TUBE1: variants seen among roughly 807,000 people sequenced by gnomAD.
The protein encoded by TUBE1 is tubulin epsilon chain.
TUBE1 carries 34 observed loss-of-function variants against 53.5 expected under a neutral mutation model. That is an observed-to-expected ratio of 0.64 (90% CI 0.48 to 0.85). The LOEUF is 0.85. Ranked by LOEUF, TUBE1 falls within the 40% of genes least tolerant of loss-of-function variation. The pLI is 0.00. For missense variants in TUBE1, 532 were observed against 570.5 expected (o/e 0.93, Z 0.69); for synonymous variants, 177 against 198.4 (o/e 0.89, Z 0.91).
rs1255497720 is a variant in TUBE1 at position 112,075,926 on chromosome 6, G to A, written c.812+11C>T. On this transcript the variant is annotated intron_variant, in intron 8 of 11. Transcript: ENST00000368662. ...CAATAAAGTTTTTTGACTATCCCTG[G>A]ATAGAATTACCTCGTTAGGTTGAGG... The A allele has an allele frequency of 1.3e-6, 2 of 1,590,330 alleles. No individual in the cohort carries two copies. Among genetic ancestry groups the A allele is most frequent in the Non-Finnish European group, 8.6e-7 (1 of 1,167,152 alleles).
chr6:112,072,171 T>A, intron 10 of TUBE1, 95 bp from the exon 11 acceptor site: 1 of 867,070 alleles, frequency 1.2e-6, no homozygotes, highest in Non-Finnish European at 1.7e-6. Context: ...ACCAGAACAT[T>A]ATGGATGGTA....
In TUBE1 at chr6:112,070,791, CATTT is replaced by C. The variant is rs1776842409; in HGVS notation, c.*617_*620del. ...AAGTAGCACTGTTGAAAAATATAGACATTTATTATAAAATCAATTGGTTTGATAA... is the reference window on the plus strand; with the variant it reads ...AAGTAGCACTGTTGAAAAATATAGACATTATAAAATCAATTGGTTTGATAA... On this transcript the variant is annotated 3_prime_UTR_variant, in exon 12 of 12. Transcript: ENST00000368662. 2.6e-5 allele frequency: 4 copies of C among 152,040 alleles called. No individual in the cohort carries two copies. Among genetic ancestry groups the C allele is most frequent in the African/African-American group, 4.8e-5 (2 of 41,402 alleles). The allele number at this position is 152,040 out of a possible 1,614,324, so 9.4% of individuals were successfully genotyped here. A position where few individuals can be genotyped will look rare whatever the true frequency, so the allele number is the denominator to read the frequency against.
Position 112,084,190 on chromosome 6 carries a change from C to T in TUBE1, c.209G>A (p.Arg70Gln), listed in dbSNP as rs200181011. 63 of 1,605,566 alleles carry T rather than the reference C, an allele frequency of 3.9e-5. No homozygotes were observed. Among genetic ancestry groups the T allele is most frequent in the East Asian group, 2.2e-5 (1 of 44,758 alleles). The change falls in exon 4 of 12, where the codon CGA becomes CAA. Residue 70 changes from arginine to glutamine, a missense_variant and splice_region_variant. Physicochemically the swap from Arg to Gln is conservative, Grantham distance 43 (BLOSUM62 1). Transcript: ENST00000368662. ...AGAATCCAAGCATATGTATCTTACT[C>T]GTGCTTTTAAAGAACATATTTTTCC... ...SKGKICSLKARAVLIDMEEGV... is the reference protein window; with the variant it reads ...SKGKICSLKAQAVLIDMEEGV...
chr6:112,084,333 A>C (rs1238738192), intron 3 of TUBE1, 87 bp from the exon 4 acceptor site: 1 of 1,088,162 alleles, frequency 9.2e-7, no homozygotes, highest in Non-Finnish European at 1.4e-6. Context: ...CCATTTATAT[A>C]ATAAGACTGC....
chr6:112,086,685 A>AGTATTATGTAAT, intron 2 of TUBE1, 77 bp from the exon 3 acceptor site: 1 of 943,672 alleles, frequency 1.1e-6, no homozygotes, highest in Non-Finnish European at 1.7e-6. Context: ...TTTTAATTAC[A>AGTATTATGTAAT]TAATACTGTA....
At chr6:112,072,710 C>T (rs782491896) in intron 10 of TUBE1, 48 bp downstream of exon 10, 4 of 1,590,140 alleles carry the variant, frequency 2.5e-6, no homozygotes, top group Non-Finnish European at 2.6e-6. Flanking sequence ...CTATGCCACA[C>T]TGTCCCAAGC....
intron 9 of TUBE1, among the ~76,000 whole-genome samples, chr6:112,073,667 A>C (rs1286812235): frequency 6.6e-6 from 1 of 152,210 alleles, no homozygotes; most frequent in African/African-American, 2.4e-5. Flanking sequence ...CTTAGATGAA[A>C]ACTTACCAAT....
chr6:112,083,514 T>C (rs1777103478), intron 4 of TUBE1, among the ~76,000 whole-genome samples: 1 of 152,004 alleles, frequency 6.6e-6, no homozygotes, highest in South Asian at 2.1e-4. Flanking sequence ...GAGACGGGGT[T>C]TCACCATGTT....
chr6:112,086,551 C>G lies in TUBE1; in HGVS notation c.152+5G>C. 1 of 1,611,574 alleles carries G rather than the reference C, an allele frequency of 6.2e-7. No homozygotes were observed. Among genetic ancestry groups the G allele is most frequent in the Non-Finnish European group, 8.5e-7 (1 of 1,178,028 alleles). ...ACACTGTGACAGACTTTAATCCCAT[C>G]TTACCTGGTGTCCACATTTCTAAAG... On this transcript the variant is annotated splice_donor_5th_base_variant and intron_variant, in intron 3 of 11. Coordinates refer to ENST00000368662, the MANE Select transcript of TUBE1 (RefSeq NM_016262.5).
At chr6:112,077,961 C>G (rs1430478028) in intron 6 of TUBE1, 1 of 151,896 alleles carries the variant, frequency 6.6e-6, no homozygotes, top group Non-Finnish European at 1.5e-5. Flanking sequence ...AGGATAGAAA[C>G]ATTTAACTCA....
chr6:112,076,024 G>A lies in TUBE1; in HGVS notation c.725C>T (p.Ser242Leu), dbSNP rs1776959876. 1 of 1,613,932 alleles carries A rather than the reference G, an allele frequency of 6.2e-7. No homozygotes were observed. The highest frequency in any genetic ancestry group is 8.5e-7 in the Non-Finnish European group (1 of 1,179,920). ...TTVKPKSLVT[S>L]SSGALKKQHK... Reference sequence around the variant, plus strand: ...CTGCTTTTTTAAAGCCCCAGAACTTGAAGTAACCAGACTCTTTGGCTTCAC... The same window carrying A: ...CTGCTTTTTTAAAGCCCCAGAACTTAAAGTAACCAGACTCTTTGGCTTCAC... Residue 242 changes from serine (S) to leucine (L), a missense_variant, in exon 8 of 12, where the codon TCA (serine) becomes TTA (leucine). Transcript: ENST00000368662.
intron 3 of TUBE1, chr6:112,085,598 AG>A (rs1777136956): frequency 2.2e-6 from 1 of 459,676 alleles, no homozygotes; most frequent in African/African-American, 2.0e-5. Context: ...GCTACAAATA[AG>A]AGGGAATCTA....
intron 4 of TUBE1, among the ~76,000 whole-genome samples, chr6:112,083,035 T>C (rs1282788982): frequency 3.3e-5 from 5 of 152,136 alleles, no homozygotes; most frequent in African/African-American, 9.7e-5. Context: ...ACTGATACGG[T>C]TGTAGGAAAA....
chr6:112,074,634 G>A, intron 9 of TUBE1, 76 bp downstream of exon 9: 1 of 1,179,028 alleles, frequency 8.5e-7, no homozygotes, highest in East Asian at 2.8e-5. Flanking sequence ...TAGAGTTATT[G>A]CAAACTTTTT....
At position 112,075,064 on chromosome 6, in the gene TUBE1, C is replaced by CTTTTTTTTTTTTTTTT. The variant is rs781833721; in HGVS notation, c.813-215_813-214insAAAAAAAAAAAAAAAA. The CTTTTTTTTTTTTTTTT allele has an allele frequency of 1.2e-5, 2 of 164,844 alleles. 1 individual carries two copies. Among genetic ancestry groups the CTTTTTTTTTTTTTTTT allele is most frequent in the Admixed American group, 1.6e-4 (2 of 12,644 alleles). 10.2% of individuals were successfully genotyped at this position (164,844 alleles called of 1,614,324 possible). A position where few individuals can be genotyped will look rare whatever the true frequency, so the allele number is the denominator to read the frequency against. On this transcript the variant is annotated intron_variant, in intron 8 of 11. Transcript: ENST00000368662. ...CACACAACATCTACATTTTTTTTTT[C>CTTTTTTTTTTTTTTTT]TTTCTTTTTTTTTTTTTTTTGAGAC...
chr6:112,086,161 T>TA (rs1310750336), intron 3 of TUBE1, among the ~76,000 whole-genome samples: 4 of 152,252 alleles, frequency 2.6e-5, no homozygotes, highest in Admixed American at 2.6e-4. Flanking sequence ...ATATACTCTT[T>TA]ATTAAATAAA....
In TUBE1 at chr6:112,084,341, T is replaced by G. The variant is rs587596906; in HGVS notation, c.153-95A>C. ...TTAACTTCCATTTATATAATAAGAC[T>G]GCTTATAGGCCAGGTAAGGCAGACA... On this transcript the variant is annotated intron_variant, in intron 3 of 11. Coordinates refer to ENST00000368662, the MANE Select transcript of TUBE1 (RefSeq NM_016262.5). The G allele has an allele frequency of 3.1e-4, 307 of 988,950 alleles. 1 individual carries two copies. The African/African-American group carries it at 4.6e-3, about 15-fold the overall frequency. The allele number at this position is 988,950 out of a possible 1,614,324, so 61.3% of individuals were successfully genotyped here.
At chr6:112,080,614 A>T (rs894238261) in intron 5 of TUBE1, among the ~76,000 whole-genome samples, 18 of 152,114 alleles carry the variant, frequency 1.2e-4, no homozygotes, top group African/African-American at 4.3e-4. Flanking sequence ...CTCAATGTGA[A>T]TTCTTAAGTA....
rs185253271 is a variant in TUBE1 at position 112,086,931 on chromosome 6, C to T, written c.99+302G>A. 9.4e-5 allele frequency: 47 copies of T among 501,606 alleles called. No homozygotes were observed. The Admixed American group carries it at 1.8e-3, about 19-fold the overall frequency. The allele number at this position is 501,606 out of a possible 1,614,324, so 31.1% of individuals were successfully genotyped here. On this transcript the variant is annotated intron_variant, in intron 2 of 11. Transcript: ENST00000368662. ...TGGTTAAATTAAGGAATACAATAAC[C>T]ACACGTGTTATCTATTTTACAAAGT...
Sources: gnomAD v4.1 joint callset for allele counts (sites outside exome capture counted in the v4.1 genomes callset) on GRCh38, gnomAD v4.1.1 for gene constraint, MANE v1.5 for transcripts, NCBI Gene and HGNC (gene_info 2026-07-23, HGNC 2026-07-21) for gene names.